Variants in VDAC1 observed in about 807,000 individuals in gnomAD.
VDAC1 encodes the protein non-selective voltage-gated ion channel VDAC1.
VDAC1 carries 10 observed loss-of-function variants against 34.7 expected under a neutral mutation model. That is an observed-to-expected ratio of 0.29 (90% CI 0.18 to 0.49). The LOEUF (loss-of-function observed/expected upper bound fraction) is 0.49. VDAC1 is among the 20% of genes least tolerant of loss of function. VDAC1 has a pLI of 0.99. For synonymous variants in VDAC1, 130 were observed against 136.0 expected (o/e 0.96, Z 0.30); for missense variants, 230 against 347.9 (o/e 0.66, Z 2.69).
At chr5:134,068,200 AT>A in the VDAC1 span, among the ~76,000 whole-genome samples, 48 of 151,284 alleles carry the variant, frequency 3.2e-4, no homozygotes, top group Non-Finnish European at 6.0e-4. Context: ...CTATCAGTTT[AT>A]TTTTTTTTCT....
the VDAC1 span, among the ~76,000 whole-genome samples, chr5:134,075,677 G>A: frequency 1.3e-5 from 2 of 152,076 alleles, no homozygotes; most frequent in Middle Eastern, 3.2e-3. Flanking sequence ...TCCACCTCCC[G>A]GGTTCAAGTG....
At position 133,980,874 on chromosome 5, in the gene VDAC1, GC is replaced by G; in HGVS notation, c.405del (p.Pro136LeufsTer9). On this transcript the variant is annotated frameshift_variant, in exon 6 of 9. Coordinates refer to ENST00000265333, the MANE Select transcript of VDAC1 (RefSeq NM_003374.3). LOFTEE classifies it high-confidence loss of function. ...AGCACCAGAGCACCCCGGATGGAAG[GC>G]CCAGCAATGTCGAAATCCATGTCGC... ...LGCDMDFDIAGPSIRGALVLG... is the reference protein window; with the variant it reads ...LGCDMDFDIAXPSIRGALVLG... 1 of 1,613,936 alleles carries G rather than the reference GC, an allele frequency of 6.2e-7. No homozygotes were observed. The highest frequency in any genetic ancestry group is 8.5e-7 in the Non-Finnish European group (1 of 1,179,962).
At chr5:134,015,597 G>A in the VDAC1 span, among the ~76,000 whole-genome samples, 151,622 of 152,262 alleles carry the variant, frequency 1, 75,493 homozygotes, top group East Asian at 1. Context: ...GCTATTCGGG[G>A]GGCTGAGGCA....
the VDAC1 span, among the ~76,000 whole-genome samples, chr5:134,106,924 C>A: frequency 1.3e-5 from 2 of 152,190 alleles, no homozygotes; most frequent in African/African-American, 4.8e-5. Context: ...GGGTGGCTGG[C>A]TTAAGAATAA....
chr5:134,105,152 C>T, the VDAC1 span, among the ~76,000 whole-genome samples: 1 of 152,192 alleles, frequency 6.6e-6, no homozygotes, highest in Non-Finnish European at 1.5e-5. Flanking sequence ...AGATGCCCCA[C>T]CTCCACCAGA....
intron 6 of VDAC1, among the ~76,000 whole-genome samples, chr5:133,979,782 A>G (rs1752623392): frequency 6.6e-6 from 1 of 152,184 alleles, no homozygotes; most frequent in Non-Finnish European, 1.5e-5. Flanking sequence ...ACGTACACAG[A>G]TTAATGTAAC....
the VDAC1 span, among the ~76,000 whole-genome samples, chr5:134,103,080 G>A: frequency 1.3e-5 from 2 of 152,040 alleles, no homozygotes; most frequent in African/African-American, 4.8e-5. Context: ...GCTATTTGGG[G>A]CACGTCATGA....
At chr5:134,045,056 G>A in the VDAC1 span, among the ~76,000 whole-genome samples, 1 of 152,238 alleles carries the variant, frequency 6.6e-6, no homozygotes, top group Non-Finnish European at 1.5e-5. Flanking sequence ...GCCCTGTGAA[G>A]TTCCATTCCT....
the VDAC1 span, among the ~76,000 whole-genome samples, chr5:134,050,643 C>G: frequency 6.6e-5 from 10 of 152,314 alleles, no homozygotes; most frequent in Admixed American, 2.0e-4. Flanking sequence ...CCACAATGTA[C>G]TGGTTGACTT....
the VDAC1 span, among the ~76,000 whole-genome samples, chr5:134,098,327 AGCTGGGATTACAGGCACCCACCACCAT>A: frequency 0.023 from 3,471 of 151,688 alleles, 108 homozygotes; most frequent in African/African-American, 0.074. Context: ...CCTCCCAAAT[AGCTGGGATTACAGGCACCCACCACCAT>A]GCTGGGATTA....
the VDAC1 span, among the ~76,000 whole-genome samples, chr5:134,076,122 G>A: frequency 6.6e-6 from 1 of 152,176 alleles, no homozygotes; most frequent in Middle Eastern, 3.2e-3. Context: ...TGGGATTATA[G>A]GCACATGCCA....
chr5:134,104,072 A>G, the VDAC1 span, among the ~76,000 whole-genome samples: 3 of 146,696 alleles, frequency 2.0e-5, no homozygotes, highest in South Asian at 2.4e-4. Flanking sequence ...GAAATCCACC[A>G]TGATGGGCAA....
the VDAC1 span, among the ~76,000 whole-genome samples, chr5:134,018,046 A>G: frequency 6.6e-5 from 10 of 152,368 alleles, no homozygotes; most frequent in African/African-American, 2.4e-4. Flanking sequence ...TTGTGTTGCC[A>G]TGAAGAAATA....
At chr5:134,113,934 C>A in the VDAC1 span, among the ~76,000 whole-genome samples, 1 of 152,160 alleles carries the variant, frequency 6.6e-6, no homozygotes, top group African/African-American at 2.4e-5. Flanking sequence ...TCCGAGTCTC[C>A]GGGCTGCAGG....
chr5:133,980,297 T>C (rs1366798370), intron 6 of VDAC1, among the ~76,000 whole-genome samples: 1 of 152,200 alleles, frequency 6.6e-6, no homozygotes, highest in Non-Finnish European at 1.5e-5. Flanking sequence ...AGAAGATAGT[T>C]TGTAACTGAG....
the VDAC1 span, among the ~76,000 whole-genome samples, chr5:134,113,372 T>C: frequency 4.5e-3 from 681 of 152,184 alleles, 2 homozygotes; most frequent in Non-Finnish European, 7.4e-3. Context: ...ACAGATAGGA[T>C]CTGAACACAG....
At chr5:134,073,301 C>T in the VDAC1 span, among the ~76,000 whole-genome samples, 1 of 152,194 alleles carries the variant, frequency 6.6e-6, no homozygotes, top group Non-Finnish European at 1.5e-5. Context: ...GGCAGCAATT[C>T]CCAAAGTCCT....
Position 133,979,049 on chromosome 5 carries a change from G to C in VDAC1, c.551+1680C>G, listed in dbSNP as rs141600226. ...AATAAATAAATACACAGGTGGAACT[G>C]TTCAAATTCATCTATATGAAGCACA... On this transcript the variant is annotated intron_variant, in intron 6 of 8. Coordinates refer to ENST00000265333, the MANE Select transcript of VDAC1 (RefSeq NM_003374.3). Among the ~76,000 whole-genome samples, 1,444 of 152,254 alleles carry C rather than the reference G, an allele frequency of 9.5e-3. 26 individuals carry two copies. The highest frequency in any genetic ancestry group is 0.031 in the African/African-American group (1,270 of 41,546).
At chr5:134,099,694 G>C in the VDAC1 span, among the ~76,000 whole-genome samples, 2 of 152,156 alleles carry the variant, frequency 1.3e-5, no homozygotes, top group Non-Finnish European at 2.9e-5. Context: ...AATTCTCCCA[G>C]CTCAGCCTCC....
Sources: allele counts gnomAD v4.1 joint callset (sites outside exome capture counted in the v4.1 genomes callset), GRCh38; gene constraint gnomAD v4.1.1; transcripts MANE v1.5; gene names NCBI Gene and HGNC (gene_info 2026-07-23, HGNC 2026-07-21).